Variants in HDAC9 observed in about 807,000 individuals in gnomAD.
The protein encoded by HDAC9 is histone deacetylase 9.
In HDAC9, 41 loss-of-function variants were observed where a neutral mutation model predicts 139.4. The observed-to-expected ratio is 0.29, with a 90% CI of 0.23 to 0.38. The LOEUF is 0.38. Ranked by LOEUF, HDAC9 falls within the 10% of genes least tolerant of loss-of-function variation. The probability of loss-of-function intolerance (pLI) is 1.00; values close to 1 mark genes in which losing one functional copy is unlikely to be tolerated. For missense variants in HDAC9, 1,147 were observed against 1,297.0 expected (o/e 0.88, Z 1.78); for synonymous variants, 517 against 476.2 (o/e 1.09, Z -1.12).
At chr7:18,700,189 A>G (rs900105038) in intron 12 of HDAC9, among the ~76,000 whole-genome samples, 2 of 152,300 alleles carry the variant, frequency 1.3e-5, no homozygotes, top group African/African-American at 4.8e-5. Context: ...CAATTACTAG[A>G]TTTGGATGTT....
At chr7:18,732,475 T>C (rs2129133242) in intron 13 of HDAC9, among the ~76,000 whole-genome samples, 1 of 148,278 alleles carries the variant, frequency 6.7e-6, no homozygotes, top group South Asian at 2.1e-4. Context: ...TGTGTGTATA[T>C]ACAGTGTATA....
intron 17 of HDAC9, 147 bp from the exon 18 acceptor site, chr7:18,829,014 G>A (rs1372369246): frequency 3.0e-6 from 2 of 667,970 alleles, no homozygotes; most frequent in African/African-American, 1.8e-5. Flanking sequence ...GACTGGCAAT[G>A]GGGGAACAAA....
rs1396667450 is a variant in HDAC9 at position 18,874,613 on chromosome 7, G to C, written c.2803+17G>C. Reference sequence around the variant, plus strand: ...CGGCAAAATGTAAGTACCTCTTTCAGGACTTTACGAAAGGCTCTGATATCA... The same window carrying C: ...CGGCAAAATGTAAGTACCTCTTTCACGACTTTACGAAAGGCTCTGATATCA... On this transcript the variant is annotated intron_variant, in intron 22 of 25. Transcript: ENST00000686413. The C allele has an allele frequency of 6.9e-7, 1 of 1,442,704 alleles. No individual in the cohort carries two copies. The highest frequency in any genetic ancestry group is 9.6e-7 in the Non-Finnish European group (1 of 1,042,784). The allele number at this position is 1,442,704 out of a possible 1,614,324, so 89.4% of individuals were successfully genotyped here. A position where few individuals can be genotyped will look rare whatever the true frequency, so the allele number is the denominator to read the frequency against.
In HDAC9 at chr7:18,629,463, C is replaced by T; in HGVS notation, c.778C>T (p.Arg260Ter). The T allele has an allele frequency of 1.2e-6, 2 of 1,610,968 alleles. No homozygotes were observed. Among genetic ancestry groups the T allele is most frequent in the Non-Finnish European group, 1.7e-6 (2 of 1,178,586 alleles). The change falls in exon 7 of 26, where the codon CGA becomes TGA. Residue 260 changes from arginine to a stop codon, truncating the protein, a stop_gained. Coordinates refer to ENST00000686413, the MANE Select transcript of HDAC9 (RefSeq NM_178425.4). LOFTEE classifies it high-confidence loss of function. ...AAATGTTGTCACTTCATTCAAGAAGCGAATGTTTGAGGTGACAGGTAATTG... is the reference window on the plus strand; with the variant it reads ...AAATGTTGTCACTTCATTCAAGAAGTGAATGTTTGAGGTGACAGGTAATTG... ...DGNVVTSFKK[R>*]MFEVTESSVS...
intron 2 of HDAC9, among the ~76,000 whole-genome samples, chr7:18,224,696 C>T (rs1792934654): frequency 6.6e-6 from 1 of 152,014 alleles, no homozygotes; most frequent in Non-Finnish European, 1.5e-5. Flanking sequence ...GAAAGGAGGC[C>T]TTTCTTTACA....
At chr7:18,788,654 C>T (rs1297739554) in intron 16 of HDAC9, among the ~76,000 whole-genome samples, 3 of 151,008 alleles carry the variant, frequency 2.0e-5, no homozygotes, top group Admixed American at 6.6e-5. Context: ...ACTTGGGAGG[C>T]TGAGGCGGAA....
chr7:18,573,589 G>A lies in HDAC9; in HGVS notation c.23-11692G>A, dbSNP rs1583545239. ...CACACCTGCCAAGTACGAGCAAGGC[G>A]TGGAGCGGTGAGGGGTGTGTGTGTG... On this transcript the variant is annotated intron_variant, in intron 2 of 25. Transcript: ENST00000686413. 2.6e-5 allele frequency among the ~76,000 whole-genome samples: 4 copies of A among 152,360 alleles called. No individual in the cohort carries two copies. In the South Asian group the frequency reaches 8.3e-4, roughly 32 times the overall value.
intron 1 of HDAC9, among the ~76,000 whole-genome samples, chr7:18,400,854 C>G (rs933121444): frequency 2.6e-5 from 4 of 152,164 alleles, no homozygotes; most frequent in African/African-American, 4.8e-5. Flanking sequence ...CAAACCACGT[C>G]TGCATTTTGT....
chr7:18,134,714 A>G (rs1785269767), intron 1 of HDAC9, among the ~76,000 whole-genome samples: 1 of 152,156 alleles, frequency 6.6e-6, no homozygotes, highest in Non-Finnish European at 1.5e-5. Context: ...CCTCACCCAA[A>G]TAATATTTGA....
At chr7:18,205,207 A>G (rs1402982405) in intron 2 of HDAC9, among the ~76,000 whole-genome samples, 1 of 151,808 alleles carries the variant, frequency 6.6e-6, no homozygotes, top group Non-Finnish European at 1.5e-5. Context: ...CCCCTTTATC[A>G]TATTATTACA....
intron 9 of HDAC9, among the ~76,000 whole-genome samples, chr7:18,645,661 C>G (rs1787146191): frequency 6.6e-6 from 1 of 152,064 alleles, no homozygotes; most frequent in African/African-American, 2.4e-5. Flanking sequence ...ATGTGTGGGC[C>G]TTATCCAGAA....
In HDAC9 at chr7:18,207,481, A is replaced by G. The variant is rs1031459703; in HGVS notation, c.25+45132A>G. Among the ~76,000 whole-genome samples, 6 of 146,428 alleles carry G rather than the reference A, an allele frequency of 4.1e-5. No individual in the cohort carries two copies. In the South Asian group the frequency reaches 6.5e-4, roughly 16 times the overall value. Reference sequence around the variant, plus strand: ...GAGTGTAGTGGTGCAATCGTAGCTCACAGCAGCCTTGAACTCCTGGGCTCA... The same window carrying G: ...GAGTGTAGTGGTGCAATCGTAGCTCGCAGCAGCCTTGAACTCCTGGGCTCA... On this transcript the variant is annotated intron_variant, in intron 2 of 12. Transcript: ENST00000417496.
chr7:18,414,863 A>G (rs989812131), intron 1 of HDAC9, among the ~76,000 whole-genome samples: 2 of 152,148 alleles, frequency 1.3e-5, no homozygotes, highest in Non-Finnish European at 2.9e-5. Flanking sequence ...TTTTACCTCA[A>G]CTTTTTTTCC....
At chr7:18,875,093 G>A (rs540449649) in intron 22 of HDAC9, among the ~76,000 whole-genome samples, 65 of 152,214 alleles carry the variant, frequency 4.3e-4, no homozygotes, top group Non-Finnish European at 8.8e-4. Flanking sequence ...ATCTCTACTC[G>A]TCTTCTGTTG....
At chr7:18,656,311 G>A (rs187977508) in intron 11 of HDAC9, among the ~76,000 whole-genome samples, 3 of 151,828 alleles carry the variant, frequency 2.0e-5, no homozygotes, top group Admixed American at 6.6e-5. Context: ...AACAGTCTCC[G>A]GTCATGGAAT....
intron 21 of HDAC9, among the ~76,000 whole-genome samples, chr7:18,838,658 A>G (rs1236249234): frequency 3.9e-5 from 6 of 152,070 alleles, no homozygotes; most frequent in Non-Finnish European, 7.4e-5. Context: ...TTCTAAGCTT[A>G]TCCTTAATAC....
chr7:18,221,364 C>T (rs891926071), intron 2 of HDAC9, among the ~76,000 whole-genome samples: 7 of 152,138 alleles, frequency 4.6e-5, no homozygotes, highest in Non-Finnish European at 1.0e-4. Flanking sequence ...CTCAGCCTCG[C>T]AAAGTGCTGG....
chr7:18,543,197 C>A (rs1813590773), intron 2 of HDAC9: 1 of 152,088 alleles, frequency 6.6e-6, no homozygotes, highest in Non-Finnish European at 1.5e-5. Context: ...TACCCACACA[C>A]CTTAAGAGAT....
chr7:18,619,405 G>C (rs1839600455), intron 6 of HDAC9, among the ~76,000 whole-genome samples: 1 of 152,112 alleles, frequency 6.6e-6, no homozygotes, highest in Non-Finnish European at 1.5e-5. Flanking sequence ...GAGACCCATC[G>C]AGCCTATGTT....
Sources: gnomAD v4.1 joint callset for allele counts (sites outside exome capture counted in the v4.1 genomes callset) on GRCh38, gnomAD v4.1.1 for gene constraint, MANE v1.5 for transcripts, NCBI Gene and HGNC (gene_info 2026-07-23, HGNC 2026-07-21) for gene names.